Variants in UBE2D1 observed in about 807,000 individuals in gnomAD.
The protein encoded by UBE2D1 is ubiquitin conjugating enzyme E2 D1, also known as ubiquitin-conjugating enzyme E2 D1.
UBE2D1 carries 9 observed loss-of-function variants against 24.6 expected under a neutral mutation model. The observed-to-expected ratio is 0.37, with a 90% CI of 0.22 to 0.64. The LOEUF is 0.64. UBE2D1 is among the 30% of genes least tolerant of loss of function. The pLI is 0.64. For synonymous variants in UBE2D1, 57 were observed against 57.6 expected (o/e 0.99, Z 0.04); for missense variants, 87 against 177.1 (o/e 0.49, Z 2.89).
intron 1 of UBE2D1, among the ~76,000 whole-genome samples, chr10:58,345,617 T>A (rs1244617003): frequency 6.6e-6 from 1 of 152,120 alleles, no homozygotes. Flanking sequence ...AAAAGTCCTG[T>A]AACAACTAGA....
At chr10:58,351,480 G>T (rs1588999549) in intron 1 of UBE2D1, among the ~76,000 whole-genome samples, 1 of 151,902 alleles carries the variant, frequency 6.6e-6, no homozygotes, top group East Asian at 1.9e-4. Flanking sequence ...CTTACACAGG[G>T]TCAGGATACT....
intron 1 of UBE2D1, among the ~76,000 whole-genome samples, chr10:58,353,840 C>G (rs929839636): frequency 6.6e-6 from 1 of 152,152 alleles, no homozygotes; most frequent in Non-Finnish European, 1.5e-5. Flanking sequence ...ATTTGATTCT[C>G]TAATCACTTG....
intron 1 of UBE2D1, among the ~76,000 whole-genome samples, chr10:58,353,794 A>C (rs1035375591): frequency 6.6e-6 from 1 of 152,238 alleles, no homozygotes; most frequent in African/African-American, 2.4e-5. Flanking sequence ...TACCGTATGC[A>C]ATCTGCATAT....
At chr10:58,359,231 T>C (rs1428421903) in intron 1 of UBE2D1, among the ~76,000 whole-genome samples, 2 of 152,170 alleles carry the variant, frequency 1.3e-5, no homozygotes, top group Admixed American at 1.3e-4. Context: ...GCAGTGATTC[T>C]AAGGTGGACA....
chr10:58,344,052 GT>G, intron 1 of UBE2D1, among the ~76,000 whole-genome samples: 1 of 152,188 alleles, frequency 6.6e-6, no homozygotes, highest in Non-Finnish European at 1.5e-5. Flanking sequence ...TTCCTGTAAA[GT>G]TTTTCTTGAC....
chr10:58,359,013 TAA>T (rs35713196), intron 1 of UBE2D1, among the ~76,000 whole-genome samples: 15 of 115,130 alleles, frequency 1.3e-4, no homozygotes, highest in Admixed American at 1.9e-4. Context: ...ACCAGCTATT[TAA>T]AAAAAAAAAA....
chr10:58,342,589 C>T (rs1042220579), intron 1 of UBE2D1, among the ~76,000 whole-genome samples: 9 of 152,062 alleles, frequency 5.9e-5, no homozygotes, highest in African/African-American at 2.2e-4. Context: ...TGTGTTTTTG[C>T]TTCTCCCAAA....
At chr10:58,358,133 C>A (rs948252490) in intron 1 of UBE2D1, among the ~76,000 whole-genome samples, 9 of 152,022 alleles carry the variant, frequency 5.9e-5, no homozygotes, top group African/African-American at 1.9e-4. Context: ...ATAAGGTTTT[C>A]ATTTTTCTTG....
chr10:58,335,040 G>A lies in UBE2D1; in HGVS notation c.-162G>A, dbSNP rs574194334. ...CGCACACTCGCGCTCGGGCGCACACGGAGCAGGGACCGGCGCCCGGAGCGA... is the reference window on the plus strand; with the variant it reads ...CGCACACTCGCGCTCGGGCGCACACAGAGCAGGGACCGGCGCCCGGAGCGA... On this transcript the variant is annotated 5_prime_UTR_variant, in exon 1 of 7. Transcript: ENST00000373910. The A allele has an allele frequency of 4.5e-6, 3 of 664,512 alleles. No homozygotes were observed. In the South Asian group the frequency reaches 6.0e-5, roughly 13 times the overall value. The allele number at this position is 664,512 out of a possible 1,614,324, so 41.2% of individuals were successfully genotyped here. A position where few individuals can be genotyped will look rare whatever the true frequency, so the allele number is the denominator to read the frequency against.
At chr10:58,358,221 A>C (rs1355135974) in intron 1 of UBE2D1, among the ~76,000 whole-genome samples, 1 of 152,158 alleles carries the variant, frequency 6.6e-6, no homozygotes, top group Non-Finnish European at 1.5e-5. Flanking sequence ...AAATATGTAC[A>C]TGCAAGTCAT....
At chr10:58,343,935 T>A (rs911595307) in intron 1 of UBE2D1, among the ~76,000 whole-genome samples, 1 of 152,192 alleles carries the variant, frequency 6.6e-6, no homozygotes. Flanking sequence ...TCTTCCATCT[T>A]TTTTTGGTTA....
At chr10:58,357,156 A>G (rs1374136192) in intron 1 of UBE2D1, among the ~76,000 whole-genome samples, 1 of 152,136 alleles carries the variant, frequency 6.6e-6, no homozygotes, top group Non-Finnish European at 1.5e-5. Flanking sequence ...TATGGTCTTG[A>G]GCAAGTTGTC....
intron 1 of UBE2D1, chr10:58,360,818 G>C (rs1352259696): frequency 8.6e-6 from 3 of 348,076 alleles, no homozygotes; most frequent in Non-Finnish European, 1.7e-5. Flanking sequence ...GGGTAGGAGT[G>C]GGGGCCTGAG....
chr10:58,358,342 A>G (rs1008757382), intron 1 of UBE2D1, among the ~76,000 whole-genome samples: 1 of 152,228 alleles, frequency 6.6e-6, no homozygotes, highest in African/African-American at 2.4e-5. Context: ...ATTCAACATG[A>G]TGAATAATTA....
At chr10:58,355,599 G>A (rs1462056997) in intron 1 of UBE2D1, among the ~76,000 whole-genome samples, 4 of 152,164 alleles carry the variant, frequency 2.6e-5, no homozygotes, top group Admixed American at 2.6e-4. Context: ...CCCATTAACA[G>A]GCATGGGGAG....
chr10:58,364,842 G>A lies in UBE2D1; in HGVS notation c.270G>A (p.Arg90=), dbSNP rs371519934. ...SNGSICLDIL[R]SQWSPALTVS... ...GAAGTATTTGTCTCGATATTCTGAG[G>A]TCACAATGGTCACCAGCTCTGACTG... The change falls in exon 5 of 7, where the codon AGG becomes AGA. Residue 90 remains arginine, a synonymous_variant. Transcript: ENST00000373910. 5.6e-6 allele frequency: 9 copies of A among 1,613,626 alleles called. No individual in the cohort carries two copies. Among genetic ancestry groups the A allele is most frequent in the Admixed American group, 1.7e-5 (1 of 59,984 alleles).
intron 1 of UBE2D1, among the ~76,000 whole-genome samples, chr10:58,344,776 G>T (rs1157040310): frequency 2.0e-5 from 3 of 150,872 alleles, no homozygotes; most frequent in Middle Eastern, 3.2e-3. Flanking sequence ...TTCTCTATTT[G>T]TTAGCTTTTG....
In UBE2D1 at chr10:58,370,304, A is replaced by C. The variant is rs1840301749; in HGVS notation, c.*1539A>C. 2 of 152,292 alleles carry C rather than the reference A, an allele frequency of 1.3e-5. No individual in the cohort carries two copies. Among genetic ancestry groups the C allele is most frequent in the Non-Finnish European group, 1.5e-5 (1 of 67,920 alleles). 9.4% of individuals were successfully genotyped at this position (152,292 alleles called of 1,614,324 possible). A position where few individuals can be genotyped will look rare whatever the true frequency, so the allele number is the denominator to read the frequency against. ...TTCTGATTATTGCAGTAGCTGTAGAAGTATGTAAGAATATGTGATGGGTGT... is the reference window on the plus strand; with the variant it reads ...TTCTGATTATTGCAGTAGCTGTAGACGTATGTAAGAATATGTGATGGGTGT... On this transcript the variant is annotated 3_prime_UTR_variant, in exon 7 of 7. Coordinates refer to ENST00000373910, the MANE Select transcript of UBE2D1 (RefSeq NM_003338.5).
intron 1 of UBE2D1, among the ~76,000 whole-genome samples, chr10:58,338,855 C>G (rs559871683): frequency 6.6e-6 from 1 of 152,142 alleles, no homozygotes; most frequent in Non-Finnish European, 1.5e-5. Flanking sequence ...CATAGCAACT[C>G]AGAGAACTAT....
Sources: allele counts gnomAD v4.1 joint callset (sites outside exome capture counted in the v4.1 genomes callset), GRCh38; gene constraint gnomAD v4.1.1; transcripts MANE v1.5; gene names NCBI Gene and HGNC (gene_info 2026-07-23, HGNC 2026-07-21).